The following PECAM1 variants were observed in gnomAD, a reference collection of about 807,000 sequenced individuals.
PECAM1 encodes the protein platelet endothelial cell adhesion molecule.
A neutral mutation model predicts 13.8 loss-of-function variants in PECAM1; 8 were observed. The observed-to-expected ratio is 0.58, with a 90% CI of 0.34 to 1.05. PECAM1 has a LOEUF of 1.05. Among genes scored for constraint, PECAM1 ranks in the 50% least tolerant of loss-of-function variants. The pLI is 0.03. For synonymous variants in PECAM1, 136 were observed against 52.6 expected, an observed-to-expected ratio of 2.58 and a Z score of -6.86; for missense variants, 304 against 141.2, an observed-to-expected ratio of 2.15 and a Z score of -5.84.
intron 15 of PECAM1, among the ~76,000 whole-genome samples, chr17:64,326,890 A>G (rs1397574034): frequency 6.6e-6 from 1 of 151,988 alleles, no homozygotes; most frequent in Non-Finnish European, 1.5e-5. Flanking sequence ...ATTTCAACAC[A>G]CCCTGGGATC....
At chr17:64,372,061 A>C (rs1028754270) in intron 4 of PECAM1, among the ~76,000 whole-genome samples, 1 of 152,104 alleles carries the variant, frequency 6.6e-6, no homozygotes, top group Non-Finnish European at 1.5e-5. Context: ...CACCACAACA[A>C]TGATATATAT....
At chr17:64,331,923 T>C (rs960744521) in intron 14 of PECAM1, among the ~76,000 whole-genome samples, 2 of 152,198 alleles carry the variant, frequency 1.3e-5, no homozygotes, top group Middle Eastern at 3.2e-3. Context: ...CTCAGTCTTA[T>C]CGAGAAAAGT....
intron 15 of PECAM1, among the ~76,000 whole-genome samples, chr17:64,329,200 A>G (rs562509149): frequency 1.3e-5 from 2 of 152,118 alleles, no homozygotes; most frequent in African/African-American, 4.8e-5. Context: ...CTGTGTTCCC[A>G]TAGGCTCTGG....
At chr17:64,335,541 A>T (rs1326303763) in intron 14 of PECAM1, among the ~76,000 whole-genome samples, 2 of 152,374 alleles carry the variant, frequency 1.3e-5, no homozygotes, top group East Asian at 3.9e-4. Flanking sequence ...CAAACCAATT[A>T]AGAGAAAAAA....
At chr17:64,374,189 G>T in intron 4 of PECAM1, among the ~76,000 whole-genome samples, 2 of 152,288 alleles carry the variant, frequency 1.3e-5, no homozygotes, top group Middle Eastern at 6.8e-3. Context: ...GTCATGGCCA[G>T]TGTTTAAAGA....
intron 2 of PECAM1, among the ~76,000 whole-genome samples, chr17:64,389,256 T>G (rs973976525): frequency 6.6e-6 from 1 of 152,208 alleles, no homozygotes; most frequent in Non-Finnish European, 1.5e-5. Context: ...CTTTGCTGAT[T>G]GCAGTGACTT....
At chr17:64,334,696 A>G (rs1198923446) in intron 14 of PECAM1, among the ~76,000 whole-genome samples, 1 of 151,952 alleles carries the variant, frequency 6.6e-6, no homozygotes, top group Admixed American at 6.6e-5. Flanking sequence ...TTTAGTAGAG[A>G]TGGGGTTTCA....
chr17:64,367,186 A>C (rs118196136), intron 5 of PECAM1, among the ~76,000 whole-genome samples: 23 of 152,278 alleles, frequency 1.5e-4, no homozygotes, highest in Middle Eastern at 6.8e-3. Flanking sequence ...AATAAGAAAC[A>C]GTCTCTGACT....
intron 4 of PECAM1, 61 bp downstream of exon 4, chr17:64,374,990 T>C: frequency 2.2e-6 from 1 of 452,390 alleles, no homozygotes; most frequent in South Asian, 8.2e-5. Flanking sequence ...TTCTGGGTTC[T>C]TTCTCCCCAT....
At position 64,321,509 on chromosome 17, in the gene PECAM1, G is replaced by A; in HGVS notation, c.*2307C>T. On this transcript the variant is annotated 3_prime_UTR_variant, in exon 16 of 16. Transcript: ENST00000563924. ...GCGGTGGCTCATGCCTGCAATCCCA[G>A]CACTTTGCGAGGCCAAGGAGGGAGG... The A allele has an allele frequency of 1.1e-6, 1 of 949,046 alleles. No individual in the cohort carries two copies. Among genetic ancestry groups the A allele is most frequent in the Non-Finnish European group, 1.3e-6 (1 of 789,246 alleles). The allele number at this position is 949,046 out of a possible 1,614,324, so 58.8% of individuals were successfully genotyped here.
Position 64,323,204 on chromosome 17 carries a change from C to T in PECAM1, c.*612G>A. The T allele has an allele frequency of 1.0e-6, 1 of 987,756 alleles. No individual in the cohort carries two copies. The highest frequency in any genetic ancestry group is 1.2e-6 in the Non-Finnish European group (1 of 831,522). The allele number at this position is 987,756 out of a possible 1,614,324, so 61.2% of individuals were successfully genotyped here. A position where few individuals can be genotyped will look rare whatever the true frequency, so the allele number is the denominator to read the frequency against. ...CCTTCATTTTCTGTTTTGTGCGTTG[C>T]CTGAATGAACGGTGTCTTCAGGTTG... On this transcript the variant is annotated 3_prime_UTR_variant, in exon 16 of 16. Coordinates refer to ENST00000563924, the MANE Select transcript of PECAM1 (RefSeq NM_000442.5).
chr17:64,380,084 C>A (rs2143887772), intron 2 of PECAM1, among the ~76,000 whole-genome samples: 1 of 151,366 alleles, frequency 6.6e-6, no homozygotes, highest in Admixed American at 6.6e-5. Context: ...GTAATCCCAG[C>A]ACTTTGAGAG....
intron 13 of PECAM1, among the ~76,000 whole-genome samples, chr17:64,345,931 T>C (rs2035555267): frequency 6.6e-6 from 1 of 152,052 alleles, no homozygotes; most frequent in Non-Finnish European, 1.5e-5. Context: ...GTTCTGTGCA[T>C]ACAGCTGCTG....
At chr17:64,324,040 C>G in intron 15 of PECAM1, 195 bp from the exon 16 acceptor site, 1 of 851,702 alleles carries the variant, frequency 1.2e-6, no homozygotes, top group Non-Finnish European at 1.9e-6. Context: ...TACAGATACA[C>G]GTGGCCCCTC....
intron 2 of PECAM1, chr17:64,390,180 G>A (rs1316760726): frequency 5.6e-6 from 2 of 354,450 alleles, no homozygotes; most frequent in Non-Finnish European, 5.0e-6. Flanking sequence ...AAGAGTAGTC[G>A]TGAGAACAGA....
At chr17:64,369,563 G>A (rs901120831) in intron 5 of PECAM1, among the ~76,000 whole-genome samples, 187 bp downstream of exon 5, 1 of 152,080 alleles carries the variant, frequency 6.6e-6, no homozygotes, top group Non-Finnish European at 1.5e-5. Context: ...CCCTCAACAC[G>A]CACAGTAGAC....
At chr17:64,357,850 C>G (rs1207335652) in intron 7 of PECAM1, among the ~76,000 whole-genome samples, 7 of 152,132 alleles carry the variant, frequency 4.6e-5, no homozygotes, top group Non-Finnish European at 1.0e-4. Context: ...TTCACATTAG[C>G]CTCTAACGTA....
At chr17:64,365,249 G>A (rs2036076836) in intron 5 of PECAM1, among the ~76,000 whole-genome samples, 2 of 151,968 alleles carry the variant, frequency 1.3e-5, no homozygotes, top group African/African-American at 4.8e-5. Flanking sequence ...AAAACACCTA[G>A]GAATCCAACT....
chr17:64,375,732 G>A (rs909765903), intron 3 of PECAM1, among the ~76,000 whole-genome samples: 5 of 152,022 alleles, frequency 3.3e-5, no homozygotes, highest in Admixed American at 1.3e-4. Context: ...GGAGGCCGAG[G>A]TGGGAGAATC....
Sources: gnomAD v4.1 joint callset for allele counts (sites outside exome capture counted in the v4.1 genomes callset) on GRCh38, gnomAD v4.1.1 for gene constraint, MANE v1.5 for transcripts, NCBI Gene and HGNC (gene_info 2026-07-23, HGNC 2026-07-21) for gene names.